LRRC4C: variants seen among roughly 807,000 people sequenced by gnomAD.
The protein encoded by LRRC4C is leucine-rich repeat-containing protein 4C.
LRRC4C carries 5 observed loss-of-function variants against 33.6 expected under a neutral mutation model. That is an observed-to-expected ratio of 0.15 (90% CI 0.08 to 0.31). The LOEUF (loss-of-function observed/expected upper bound fraction) is 0.31, where lower values mean the gene tolerates loss of function less well. Among genes scored for constraint, LRRC4C ranks in the 10% least tolerant of loss-of-function variants. LRRC4C has a pLI of 1.00. For missense variants in LRRC4C, 560 were observed against 796.7 expected (o/e 0.70, Z 3.58); for synonymous variants, 329 against 302.0 (o/e 1.09, Z -0.93).
chr11:41,242,934 T>G (rs551429817), intron 1 of LRRC4C, among the ~76,000 whole-genome samples: 1 of 152,196 alleles, frequency 6.6e-6, no homozygotes, highest in Admixed American at 6.5e-5. Flanking sequence ...ATTAACTTGG[T>G]TTTTCTTAAA....
intron 3 of LRRC4C, among the ~76,000 whole-genome samples, chr11:40,583,397 G>A (rs1958564520): frequency 6.6e-6 from 1 of 152,196 alleles, no homozygotes; most frequent in Non-Finnish European, 1.5e-5. Context: ...TCACACTGTA[G>A]CACCTTTAAT....
intron 1 of LRRC4C, among the ~76,000 whole-genome samples, chr11:41,309,909 T>C (rs1195681020): frequency 6.6e-6 from 1 of 152,244 alleles, no homozygotes; most frequent in Non-Finnish European, 1.5e-5. Context: ...AATTGACTAG[T>C]AGTGTAACCT....
chr11:40,949,608 G>C (rs1958595065), intron 1 of LRRC4C, among the ~76,000 whole-genome samples: 2 of 152,018 alleles, frequency 1.3e-5, no homozygotes, highest in Admixed American at 1.3e-4. Flanking sequence ...TTCATATCCA[G>C]CCAAACTAAG....
At chr11:41,437,421 G>A (rs1352612964) in intron 1 of LRRC4C, among the ~76,000 whole-genome samples, 154 of 145,064 alleles carry the variant, frequency 1.1e-3, no homozygotes, top group African/African-American at 2.8e-3. Flanking sequence ...ACGCGCGCGC[G>A]CGCGCACACA....
At chr11:40,868,989 A>C (rs1954503611) in intron 2 of LRRC4C, among the ~76,000 whole-genome samples, 1 of 152,158 alleles carries the variant, frequency 6.6e-6, no homozygotes, top group Non-Finnish European at 1.5e-5. Context: ...AACACTAATA[A>C]CATTAGGATG....
At chr11:41,268,627 T>C (rs1949226253) in intron 1 of LRRC4C, among the ~76,000 whole-genome samples, 2 of 152,176 alleles carry the variant, frequency 1.3e-5, no homozygotes, top group South Asian at 2.1e-4. Context: ...ATAATCCCTT[T>C]ATCCACATAA....
intron 1 of LRRC4C, among the ~76,000 whole-genome samples, chr11:41,036,229 A>G (rs1857055914): frequency 6.6e-6 from 1 of 152,138 alleles, no homozygotes; most frequent in Admixed American, 6.5e-5. Flanking sequence ...TCATTCTTAA[A>G]TTCATTCTGG....
chr11:40,755,087 T>C (rs985562027), intron 2 of LRRC4C, among the ~76,000 whole-genome samples: 1 of 152,132 alleles, frequency 6.6e-6, no homozygotes, highest in African/African-American at 2.4e-5. Flanking sequence ...AGTTTATCTA[T>C]TGAGTTTGCA....
At chr11:40,770,355 T>C (rs1308596321) in intron 2 of LRRC4C, among the ~76,000 whole-genome samples, 3 of 152,126 alleles carry the variant, frequency 2.0e-5, no homozygotes, top group African/African-American at 7.2e-5. Flanking sequence ...AATAACAGCA[T>C]GGGGGAACTG....
chr11:40,546,898 C>A (rs1956946959), intron 3 of LRRC4C, among the ~76,000 whole-genome samples: 1 of 152,106 alleles, frequency 6.6e-6, no homozygotes. Flanking sequence ...GACTCACAAG[C>A]CCAAGCTCTT....
At chr11:40,382,807 C>A (rs562695908) in intron 3 of LRRC4C, among the ~76,000 whole-genome samples, 5 of 151,120 alleles carry the variant, frequency 3.3e-5, no homozygotes, top group Non-Finnish European at 7.4e-5. Flanking sequence ...CATTCTCCTG[C>A]CTCAGCCTCC....
chr11:40,478,585 G>T (rs1280408315), intron 3 of LRRC4C, among the ~76,000 whole-genome samples: 2 of 152,110 alleles, frequency 1.3e-5, no homozygotes, highest in Admixed American at 1.3e-4. Context: ...GGGTACATGT[G>T]TACAATGTAC....
At chr11:40,145,878 A>G (rs1177793515) in intron 5 of LRRC4C, among the ~76,000 whole-genome samples, 2 of 152,208 alleles carry the variant, frequency 1.3e-5, no homozygotes, top group East Asian at 1.9e-4. Flanking sequence ...GCAAAGCTCT[A>G]TGCTGGGCAT....
At chr11:41,294,416 C>T (rs1950079761) in intron 1 of LRRC4C, among the ~76,000 whole-genome samples, 1 of 152,136 alleles carries the variant, frequency 6.6e-6, no homozygotes, top group Non-Finnish European at 1.5e-5. Context: ...GTTTTGTTCA[C>T]CTCTGTACAG....
chr11:41,086,014 G>A (rs922588359), intron 1 of LRRC4C, among the ~76,000 whole-genome samples: 1 of 146,538 alleles, frequency 6.8e-6, no homozygotes, highest in South Asian at 2.1e-4. Context: ...CAAATTAAAA[G>A]CTTCTCTGCC....
chr11:40,838,094 T>C (rs1450413044), intron 2 of LRRC4C, among the ~76,000 whole-genome samples: 2 of 152,176 alleles, frequency 1.3e-5, no homozygotes, highest in Non-Finnish European at 2.9e-5. Context: ...TAGATAACTC[T>C]ACTGGTATTT....
chr11:40,574,788 A>G (rs1246551968), intron 3 of LRRC4C, among the ~76,000 whole-genome samples: 2 of 152,148 alleles, frequency 1.3e-5, no homozygotes, highest in Non-Finnish European at 2.9e-5. Flanking sequence ...ACAGACACCT[A>G]GGTTTATTCA....
intron 1 of LRRC4C, among the ~76,000 whole-genome samples, chr11:41,171,318 G>A (rs1340670329): frequency 6.6e-6 from 1 of 152,118 alleles, no homozygotes; most frequent in Non-Finnish European, 1.5e-5. Context: ...TATGTTTATT[G>A]TGGCACTATT....
chr11:40,622,123 A>G (rs538584026), intron 3 of LRRC4C, among the ~76,000 whole-genome samples: 40 of 151,922 alleles, frequency 2.6e-4, no homozygotes, highest in Non-Finnish European at 5.7e-4. Context: ...CTACTTTGCC[A>G]TAATATAAAT....
Sources: allele counts gnomAD v4.1 joint callset (sites outside exome capture counted in the v4.1 genomes callset), GRCh38; gene constraint gnomAD v4.1.1; transcripts MANE v1.5; gene names NCBI Gene and HGNC (gene_info 2026-07-23, HGNC 2026-07-21).